UNC79: variants seen among roughly 807,000 people sequenced by gnomAD.
The protein encoded by UNC79 is protein unc-79 homolog.
A neutral mutation model predicts 283.1 loss-of-function variants in UNC79; 37 were observed. That is an observed-to-expected ratio of 0.13 (90% CI 0.10 to 0.17). The LOEUF is 0.17. Ranked by LOEUF, UNC79 falls within the 10% of genes least tolerant of loss-of-function variation. UNC79 has a pLI of 1.00. For synonymous variants in UNC79, 1,107 were observed against 1,200.2 expected, an observed-to-expected ratio of 0.92 and a Z score of 1.61; for missense variants, 2,272 against 3,211.1, an observed-to-expected ratio of 0.71 and a Z score of 7.07.
chr14:93,462,136 G>T (rs181240985), intron 1 of UNC79, among the ~76,000 whole-genome samples: 5 of 151,958 alleles, frequency 3.3e-5, no homozygotes, highest in Admixed American at 2.0e-4. Context: ...GTGAAACCCC[G>T]GCTCTACTAA....
chr14:93,347,182 A>G (rs1365169095), intron 1 of UNC79: 3 of 1,461,104 alleles, frequency 2.1e-6, no homozygotes, highest in Non-Finnish European at 2.7e-6. Flanking sequence ...TGCGCAAACC[A>G]GCTGCCTCAC....
At chr14:93,487,888 G>A (rs1164371049) in intron 5 of UNC79, 133 bp downstream of exon 5, 31 of 753,396 alleles carry the variant, frequency 4.1e-5, no homozygotes, top group Non-Finnish European at 6.0e-5. Flanking sequence ...CTTTTGAGTT[G>A]GAATCAATTT....
At chr14:93,360,482 G>A (rs753881986) in intron 1 of UNC79, among the ~76,000 whole-genome samples, 7 of 152,116 alleles carry the variant, frequency 4.6e-5, no homozygotes, top group African/African-American at 7.2e-5. Flanking sequence ...TACCAGATGC[G>A]GTTTCATTGC....
intron 1 of UNC79, among the ~76,000 whole-genome samples, chr14:93,374,008 C>CTCCA (rs1441152059): frequency 1.3e-5 from 2 of 152,116 alleles, no homozygotes; most frequent in African/African-American, 2.4e-5. Flanking sequence ...GCTTGGCAAC[C>CTCCA]TCCACCCAGA....
chr14:93,339,053 G>A (rs1237217849), intron 1 of UNC79, among the ~76,000 whole-genome samples: 1 of 152,206 alleles, frequency 6.6e-6, no homozygotes, highest in African/African-American at 2.4e-5. Flanking sequence ...TTTATGGATA[G>A]GAAAAGGAAA....
intron 27 of UNC79, among the ~76,000 whole-genome samples, chr14:93,614,617 C>T (rs1489310443): frequency 1.3e-5 from 2 of 150,786 alleles, no homozygotes; most frequent in African/African-American, 4.9e-5. Flanking sequence ...CGGCGCCCGG[C>T]CACTGTTTGT....
At chr14:93,409,877 T>G (rs1341853221) in intron 1 of UNC79, among the ~76,000 whole-genome samples, 1 of 152,186 alleles carries the variant, frequency 6.6e-6, no homozygotes, top group Non-Finnish European at 1.5e-5. Flanking sequence ...ATTCTAAAAT[T>G]TACATGAGTA....
intron 14 of UNC79, among the ~76,000 whole-genome samples, chr14:93,549,203 G>A (rs1177832838): frequency 6.6e-6 from 1 of 152,168 alleles, no homozygotes; most frequent in Non-Finnish European, 1.5e-5. Context: ...AAGGTTTCAA[G>A]TTACCAAAAA....
chr14:93,554,376 G>A (rs2062050566), intron 14 of UNC79, among the ~76,000 whole-genome samples: 1 of 150,692 alleles, frequency 6.6e-6, no homozygotes, highest in Admixed American at 6.6e-5. Flanking sequence ...AAAAAATTCT[G>A]TCTCTCTCTT....
At chr14:93,646,426 A>G (rs1197840757) in intron 34 of UNC79, among the ~76,000 whole-genome samples, 182 bp from the exon 38 acceptor site, 1 of 152,204 alleles carries the variant, frequency 6.6e-6, no homozygotes, top group Non-Finnish European at 1.5e-5. Flanking sequence ...CTCAAGGACT[A>G]GGTCAAGTTT....
chr14:93,697,574 G>A (rs571138375), intron 47 of UNC79, among the ~76,000 whole-genome samples: 1 of 152,098 alleles, frequency 6.6e-6, no homozygotes, highest in East Asian at 1.9e-4. Flanking sequence ...TTTGCCATTC[G>A]AGATAAATTT....
intron 1 of UNC79, among the ~76,000 whole-genome samples, chr14:93,436,093 CA>C (rs1345485660): frequency 6.6e-6 from 1 of 152,026 alleles, no homozygotes; most frequent in African/African-American, 2.4e-5. Flanking sequence ...AGTGTTTGCA[CA>C]AAAATCATTT....
At chr14:93,440,570 G>T (rs2056263703) in intron 1 of UNC79, among the ~76,000 whole-genome samples, 1 of 146,712 alleles carries the variant, frequency 6.8e-6, no homozygotes, top group African/African-American at 2.5e-5. Context: ...GGCATTTCAT[G>T]CAATATATTT....
intron 2 of UNC79, 42 bp downstream of exon 2, chr14:93,467,833 T>C: frequency 6.8e-7 from 1 of 1,465,038 alleles, no homozygotes; most frequent in Non-Finnish European, 8.9e-7. Context: ...AATTATTAGG[T>C]AGTATTGCTG....
chr14:93,525,439 A>G (rs2141001699), intron 8 of UNC79, among the ~76,000 whole-genome samples: 1 of 151,264 alleles, frequency 6.6e-6, no homozygotes, highest in East Asian at 1.9e-4. Context: ...ACAGAGCAAG[A>G]CTCCATCTCG....
chr14:93,558,081 G>C (rs1478245006), intron 14 of UNC79, among the ~76,000 whole-genome samples: 1 of 152,198 alleles, frequency 6.6e-6, no homozygotes, highest in African/African-American at 2.4e-5. Context: ...CCATAGCGAA[G>C]TTTGTAGCTG....
intron 7 of UNC79, among the ~76,000 whole-genome samples, chr14:93,520,631 ATT>A (rs1451324804): frequency 6.6e-6 from 1 of 151,740 alleles, no homozygotes; most frequent in Non-Finnish European, 1.5e-5. Flanking sequence ...TTCTTCCATT[ATT>A]TCAGTTTGGG....
At chr14:93,346,168 G>T (rs1003963761) in intron 1 of UNC79, among the ~76,000 whole-genome samples, 3 of 151,966 alleles carry the variant, frequency 2.0e-5, no homozygotes, top group African/African-American at 4.8e-5. Context: ...ATGTACTACA[G>T]CAAAACGAAA....
At chr14:93,338,308 T>A (rs555440344) in intron 1 of UNC79, among the ~76,000 whole-genome samples, 2 of 152,252 alleles carry the variant, frequency 1.3e-5, no homozygotes, top group East Asian at 3.9e-4. Flanking sequence ...CCAGTCCATC[T>A]CTTGCCATGT....
Sources: allele counts gnomAD v4.1 joint callset (sites outside exome capture counted in the v4.1 genomes callset), GRCh38; gene constraint gnomAD v4.1.1; transcripts MANE v1.5; gene names NCBI Gene and HGNC (gene_info 2026-07-23, HGNC 2026-07-21).